The following EML6 variants were observed in gnomAD, a reference collection of about 807,000 sequenced individuals.
EML6 encodes the protein echinoderm microtubule-associated protein-like 6.
A neutral mutation model predicts 240.1 loss-of-function variants in EML6; 154 were observed. The observed-to-expected ratio is 0.64, with a 90% CI of 0.56 to 0.73. The LOEUF is 0.73. EML6 is among the 30% of genes least tolerant of loss of function. EML6 has a pLI of 0.00. For synonymous variants in EML6, 1,148 were observed against 899.0 expected, an observed-to-expected ratio of 1.28 and a Z score of -4.95; for missense variants, 2,964 against 2,474.6, an observed-to-expected ratio of 1.20 and a Z score of -4.20.
At chr2:54,966,128 AACAG>A (rs1379729312) in intron 38 of EML6, among the ~76,000 whole-genome samples, 23 of 152,370 alleles carry the variant, frequency 1.5e-4, no homozygotes, top group Admixed American at 6.5e-4. Context: ...ACAAGCACTA[AACAG>A]ACAATCACAA....
In EML6 at chr2:54,970,447, A is replaced by G; in HGVS notation, c.*352A>G. ...TTACCCTAACCAATATGTAGCTTTT[A>G]ATTTGCATCAAAACTTTTACAAAGA... On this transcript the variant is annotated 3_prime_UTR_variant, in exon 42 of 42. Coordinates refer to ENST00000356458, the MANE Select transcript of EML6 (RefSeq NM_001039753.4). The G allele has an allele frequency of 4.0e-6, 1 of 247,432 alleles. No homozygotes were observed. The highest frequency in any genetic ancestry group is 7.9e-6 in the Non-Finnish European group (1 of 126,522). 15.3% of individuals were successfully genotyped at this position (247,432 alleles called of 1,614,324 possible). A position where few individuals can be genotyped will look rare whatever the true frequency, so the allele number is the denominator to read the frequency against.
intron 13 of EML6, among the ~76,000 whole-genome samples, chr2:54,864,700 G>T (rs1379229115): frequency 6.6e-6 from 1 of 152,216 alleles, no homozygotes; most frequent in Non-Finnish European, 1.5e-5. Context: ...ACCATGTGTT[G>T]AAAGAAGTAA....
At chr2:54,945,191 C>T (rs1389310677) in intron 28 of EML6, among the ~76,000 whole-genome samples, 1 of 56,010 alleles carries the variant, frequency 1.8e-5, no homozygotes, top group South Asian at 9.8e-4. Context: ...CCTCCCCTCT[C>T]TCCCCTCCCC....
chr2:54,958,756 G>A (rs1385948967), intron 33 of EML6, among the ~76,000 whole-genome samples: 1 of 152,184 alleles, frequency 6.6e-6, no homozygotes, highest in East Asian at 1.9e-4. Context: ...TCTCCCTCTT[G>A]TAGAGGAGCC....
intron 9 of EML6, among the ~76,000 whole-genome samples, 192 bp from the exon 10 acceptor site, chr2:54,849,770 A>C (rs1046956195): frequency 6.6e-6 from 1 of 152,242 alleles, no homozygotes; most frequent in African/African-American, 2.4e-5. Flanking sequence ...TTACAGGCGT[A>C]AGCCACCGCG....
chr2:54,962,485 T>C (rs1676564396), intron 35 of EML6, 38 bp from the exon 36 acceptor site: 2 of 1,468,882 alleles, frequency 1.4e-6, no homozygotes. Flanking sequence ...AGTCATACAG[T>C]ATTTGTCCTT....
At chr2:54,922,335 G>A (rs6719358) in intron 26 of EML6, among the ~76,000 whole-genome samples, 106,232 of 152,002 alleles carry the variant, frequency 0.7, 37,940 homozygotes, top group African/African-American at 0.84. Context: ...GGAAATGTAA[G>A]TCAAAATCAC....
chr2:54,841,630 C>A (rs1437276798), intron 7 of EML6, among the ~76,000 whole-genome samples: 1 of 141,168 alleles, frequency 7.1e-6, no homozygotes, highest in African/African-American at 2.6e-5. Context: ...TGCTCTGTCG[C>A]CCAGGCTGGA....
Position 54,903,102 on chromosome 2 carries a change from T to C in EML6, c.3183T>C (p.Asp1061=). The C allele has an allele frequency of 6.4e-7, 1 of 1,551,804 alleles. No homozygotes were observed. Among genetic ancestry groups the C allele is most frequent in the Non-Finnish European group, 8.7e-7 (1 of 1,146,952 alleles). ...DGKALAVGLN[D]GSFLVVNADT... ...AAGCCTTAGCGGTTGGCTTGAACGA[T>C]GGGAGTTTCCTGGTGGTAAATGCTG... Residue 1061 remains aspartate (D), a synonymous_variant, in exon 23 of 42, where the codon GAT becomes GAC. Transcript: ENST00000356458.
chr2:54,875,285 G>C, intron 16 of EML6, among the ~76,000 whole-genome samples: 1 of 152,174 alleles, frequency 6.6e-6, no homozygotes. Context: ...CCATCCTTTG[G>C]AAACTGATAG....
At chr2:54,915,173 T>C (rs1558681534) in intron 25 of EML6, among the ~76,000 whole-genome samples, 1 of 152,194 alleles carries the variant, frequency 6.6e-6, no homozygotes, top group East Asian at 1.9e-4. Flanking sequence ...CCATTTTAAG[T>C]GCAATTTCTG....
chr2:54,784,910 C>G (rs1208107750), intron 2 of EML6, among the ~76,000 whole-genome samples: 1 of 152,188 alleles, frequency 6.6e-6, no homozygotes, highest in Non-Finnish European at 1.5e-5. Flanking sequence ...AGTACATCAT[C>G]TGTTTACAGG....
At position 54,724,142 on chromosome 2, in the gene EML6, C is replaced by T. The variant is rs1201841348; in HGVS notation, c.-514+365C>T. On this transcript the variant is annotated intron_variant, in intron 1 of 41. Coordinates refer to ENST00000356458, the MANE Select transcript of EML6 (RefSeq NM_001039753.4). This position sits in a 1 kb window ranked among gnomAD's most constrained non-coding sequence, Gnocchi z 5.2. ...CTCCGACTGCACTAGTGCCTCGTTT[C>T]TTCCGAGTAAGACAATCTTTCATGA... Among the ~76,000 whole-genome samples the T allele has an allele frequency of 1.3e-5, 2 of 152,144 alleles. No homozygotes were observed. Among genetic ancestry groups the T allele is most frequent in the Non-Finnish European group, 2.9e-5 (2 of 68,024 alleles).
chr2:54,725,240 A>G lies in EML6; in HGVS notation c.179A>G (p.His60Arg). ...REHSQKFFLGHNDDIISLALH... is the reference protein window; with the variant it reads ...REHSQKFFLGRNDDIISLALH... The stretch of plus-strand genomic sequence containing the variant: ...CACAGCCAAAAATTCTTCCTGGGAC[A>G]CAACGACGACATTATCAGGTAAGGG... The change falls in exon 2 of 42, where the codon CAC becomes CGC. Residue 60 changes from histidine (H) to arginine (R), a missense_variant. Transcript: ENST00000356458. The surrounding 1 kb of genome is among the most constrained non-coding windows in gnomAD (Gnocchi z 4.3). 1 of 1,482,642 alleles carries G rather than the reference A, an allele frequency of 6.7e-7. No homozygotes were observed. The highest frequency in any genetic ancestry group is 9.0e-7 in the Non-Finnish European group (1 of 1,110,042). The allele number at this position is 1,482,642 out of a possible 1,614,324, so 91.8% of individuals were successfully genotyped here.
rs374570995 is a variant in EML6, at chr2:54,892,757, T to A, written c.2742+101T>A. ...AGGATGCCTGTATCTAAAACAGGCC[T>A]GTCTGAATTAGGAAGTAGTTGTCAT... On this transcript the variant is annotated intron_variant, in intron 19 of 41. Transcript: ENST00000356458. 24 of 821,358 alleles carry A rather than the reference T, an allele frequency of 2.9e-5. 1 individual carries two copies. Among genetic ancestry groups the A allele is most frequent in the African/African-American group, 2.4e-4 (14 of 57,974 alleles). 50.9% of individuals were successfully genotyped at this position (821,358 alleles called of 1,614,324 possible). A position where few individuals can be genotyped will look rare whatever the true frequency, so the allele number is the denominator to read the frequency against.
chr2:54,949,482 C>G (rs996782510), intron 29 of EML6, among the ~76,000 whole-genome samples: 2 of 152,144 alleles, frequency 1.3e-5, no homozygotes, highest in Non-Finnish European at 2.9e-5. Flanking sequence ...TATCAGGTCC[C>G]AAGCCCAAGA....
intron 9 of EML6, among the ~76,000 whole-genome samples, chr2:54,848,794 A>G (rs1669914816): frequency 6.6e-6 from 1 of 152,178 alleles, no homozygotes; most frequent in Non-Finnish European, 1.5e-5. Flanking sequence ...AGAAATTCTT[A>G]AAAGAATCTG....
intron 2 of EML6, among the ~76,000 whole-genome samples, chr2:54,736,286 C>G (rs1031566052): frequency 2.6e-5 from 4 of 152,138 alleles, no homozygotes; most frequent in African/African-American, 9.7e-5. Context: ...TTTTATTAAC[C>G]TTTTCTTCTG....
intron 28 of EML6, 150 bp downstream of exon 28, chr2:54,928,901 G>A: frequency 2.1e-6 from 2 of 970,996 alleles, no homozygotes; most frequent in South Asian, 1.7e-5. Flanking sequence ...ACAGGCTTAA[G>A]CTGAGAAAAA....
Sources: gnomAD v4.1 joint callset for allele counts (sites outside exome capture counted in the v4.1 genomes callset) on GRCh38, gnomAD v4.1.1 for gene constraint, Gnocchi (gnomAD v3.1) non-coding constraint, MANE v1.5 for transcripts, NCBI Gene and HGNC (gene_info 2026-07-23, HGNC 2026-07-21) for gene names.